The following IBTK variants were observed in gnomAD, a reference collection of about 807,000 sequenced individuals.
IBTK encodes BTK-binding protein.
A neutral mutation model predicts 154.9 loss-of-function variants in IBTK; 83 were observed. The ratio of observed to expected loss-of-function variants is 0.54; its 90% confidence interval spans 0.45 to 0.64. The LOEUF is 0.64. Among genes scored for constraint, IBTK ranks in the 30% least tolerant of loss-of-function variants. The pLI, the probability that IBTK is intolerant of heterozygous loss-of-function variation, is 0.00. For missense variants in IBTK, 1,332 were observed against 1,584.6 expected (o/e 0.84, Z 2.71); for synonymous variants, 515 against 536.1 (o/e 0.96, Z 0.54).
At position 82,179,977 on chromosome 6, in the gene IBTK, C is replaced by G. The variant is rs557983962; in HGVS notation, c.3725+1902G>C. 1.3e-4 allele frequency among the ~76,000 whole-genome samples: 3 copies of G among 22,934 alleles called. No homozygotes were observed. The East Asian group carries it at 4.6e-3, about 35-fold the overall frequency. The allele number at this position is 22,934 out of a possible 152,430, so 15.0% of individuals were successfully genotyped here. On this transcript the variant is annotated intron_variant, in intron 26 of 28. Transcript: ENST00000306270. ...GATAGGAGAGATAACTCTTCTATGA[C>G]AAAACAAGAAAGGAGGATAGTTCTA...
chr6:82,196,340 C>G lies in IBTK; in HGVS notation c.3132G>C (p.Gln1044His), dbSNP rs1031661560. 4 of 1,610,454 alleles carry G rather than the reference C, an allele frequency of 2.5e-6. No homozygotes were observed. The highest frequency in any genetic ancestry group is 3.4e-6 in the Non-Finnish European group (4 of 1,178,452). The change falls in exon 22 of 29, where the codon CAG (glutamine) becomes CAC (histidine). Residue 1044 changes from glutamine (Q) to histidine (H), a missense_variant. By Grantham distance (24) the Gln-to-His change is conservative. Around this residue, in one of 3 missense-constraint regions of IBTK, gnomAD observed 1,134 missense variants for 1,274.7 expected, o/e 0.89. Coordinates refer to ENST00000306270, the MANE Select transcript of IBTK (RefSeq NM_015525.4). ...YAGVGSPRDL[Q>H]SPDFTTGFHS... is the part of the protein sequence containing the mutation. ...GAAATCCTGTTGTGAAATCAGGGGA[C>G]TGTAAATCTCTAGGACTACCCACTC...
chr6:82,236,404 T>C (rs761810478), intron 2 of IBTK, among the ~76,000 whole-genome samples: 2 of 152,152 alleles, frequency 1.3e-5, no homozygotes, highest in African/African-American at 2.4e-5. Flanking sequence ...TGTTTACAAA[T>C]GGGAAAAATT....
intron 2 of IBTK, among the ~76,000 whole-genome samples, chr6:82,235,781 C>T (rs1770693720): frequency 6.6e-6 from 1 of 152,066 alleles, no homozygotes; most frequent in Non-Finnish European, 1.5e-5. Context: ...GTTTATGTTA[C>T]CATAGTTGGT....
intron 17 of IBTK, among the ~76,000 whole-genome samples, chr6:82,203,355 A>G (rs964987408): frequency 2.6e-5 from 4 of 151,746 alleles, no homozygotes; most frequent in African/African-American, 9.7e-5. Flanking sequence ...TCCCTCCACT[A>G]TTTTTCTTAA....
intron 21 of IBTK, among the ~76,000 whole-genome samples, chr6:82,198,926 A>G (rs536931537): frequency 6.6e-6 from 1 of 152,286 alleles, no homozygotes; most frequent in African/African-American, 2.4e-5. Flanking sequence ...GCAGTTTTAT[A>G]CTAGTTAGAA....
intron 23 of IBTK, among the ~76,000 whole-genome samples, chr6:82,193,726 G>C (rs949621867): frequency 1.3e-5 from 2 of 152,008 alleles, no homozygotes; most frequent in Admixed American, 6.6e-5. Context: ...CTGTTGCCCA[G>C]GCTGGAGTGC....
At chr6:82,204,156 A>G (rs1179730745) in intron 17 of IBTK, among the ~76,000 whole-genome samples, 1 of 152,186 alleles carries the variant, frequency 6.6e-6, no homozygotes, top group Non-Finnish European at 1.5e-5. Context: ...AGAAGTAGAC[A>G]GGAGAAAGAG....
At chr6:82,183,601 CT>C (rs1768397215) in intron 25 of IBTK, among the ~76,000 whole-genome samples, 2 of 151,980 alleles carry the variant, frequency 1.3e-5, no homozygotes, top group Non-Finnish European at 2.9e-5. Flanking sequence ...GGTTTTTTAA[CT>C]GCAAAAATTG....
intron 26 of IBTK, among the ~76,000 whole-genome samples, chr6:82,177,558 A>G (rs1768165655): frequency 6.6e-6 from 1 of 152,082 alleles, no homozygotes; most frequent in African/African-American, 2.4e-5. Context: ...GATTACAGGC[A>G]TGTGCCACCC....
chr6:82,224,996 C>G (rs1211502663), intron 6 of IBTK, among the ~76,000 whole-genome samples: 1 of 152,024 alleles, frequency 6.6e-6, no homozygotes, highest in Non-Finnish European at 1.5e-5. Context: ...CTTAATTTCT[C>G]CTGTTAAAAA....
chr6:82,213,033 C>CT (rs11367840), intron 12 of IBTK, among the ~76,000 whole-genome samples: 2,541 of 146,488 alleles, frequency 0.017, 70 homozygotes, highest in African/African-American at 0.057. Context: ...AAAGTTTTTC[C>CT]TTTTTTTTTT....
At chr6:82,200,437 A>C (rs934817047) in intron 20 of IBTK, 150 bp downstream of exon 20, 51 of 790,408 alleles carry the variant, frequency 6.5e-5, no homozygotes, top group Admixed American at 2.1e-4. Flanking sequence ...GAATGAGCGT[A>C]ACTACCTATT....
rs761497954 is a variant in IBTK at position 82,234,258 on chromosome 6, AAAAC to A, written c.322-7_322-4del. 2.4e-4 allele frequency: 329 copies of A among 1,377,534 alleles called. No individual in the cohort carries two copies. The highest frequency in any genetic ancestry group is 7.1e-4 in the South Asian group (47 of 66,372). 85.3% of individuals were successfully genotyped at this position (1,377,534 alleles called of 1,614,324 possible). A position where few individuals can be genotyped will look rare whatever the true frequency, so the allele number is the denominator to read the frequency against. ...TGAATATACAGACTAACACCATGCTAAAACAAACAAACAAACAAATACATAAATA... is the reference window on the plus strand; with the variant it reads ...TGAATATACAGACTAACACCATGCTAAAACAAACAAACAAATACATAAATA... On this transcript the variant is annotated splice_region_variant and splice_polypyrimidine_tract_variant and intron_variant, in intron 2 of 28. Transcript: ENST00000306270.
chr6:82,173,126 T>G, intron 27 of IBTK: 1 of 312,186 alleles, frequency 3.2e-6, no homozygotes. Flanking sequence ...CCTAGCTTCA[T>G]GAGTAGCTGG....
chr6:82,189,121 A>G (rs1768665063), intron 25 of IBTK: 1 of 381,132 alleles, frequency 2.6e-6, no homozygotes, highest in Non-Finnish European at 5.0e-6. Flanking sequence ...GTGAGGAGGA[A>G]AAGTATCAAA....
intron 26 of IBTK, among the ~76,000 whole-genome samples, chr6:82,178,347 G>A (rs6908373): frequency 0.18 from 26,849 of 151,852 alleles, 2,415 homozygotes; most frequent in Non-Finnish European, 0.18. Context: ...ATGACAAATC[G>A]TTATATATCT....
chr6:82,224,842 G>C (rs1035460488), intron 6 of IBTK, among the ~76,000 whole-genome samples: 1 of 152,166 alleles, frequency 6.6e-6, no homozygotes, highest in African/African-American at 2.4e-5. Flanking sequence ...GGCCTAAAAA[G>C]TGTTTAAGTT....
chr6:82,171,646 T>C, intron 28 of IBTK, 90 bp from the exon 29 acceptor site: 1 of 1,100,884 alleles, frequency 9.1e-7, no homozygotes, highest in Non-Finnish European at 1.3e-6. Flanking sequence ...TTTGAGGAAC[T>C]ATCACTTTCC....
At chr6:82,199,753 A>G (rs1769130058) in intron 21 of IBTK, among the ~76,000 whole-genome samples, 1 of 152,166 alleles carries the variant, frequency 6.6e-6, no homozygotes, top group Non-Finnish European at 1.5e-5. Flanking sequence ...TTTGGCATAT[A>G]AGAGCCTCCA....
Sources: gnomAD v4.1 joint callset for allele counts (sites outside exome capture counted in the v4.1 genomes callset) on GRCh38, gnomAD v4.1.1 for gene constraint, gnomAD v4.1.1 regional missense constraint, MANE v1.5 for transcripts, NCBI Gene and HGNC (gene_info 2026-07-23, HGNC 2026-07-21) for gene names.